Variants in TTC28 observed in about 807,000 individuals in gnomAD.
TTC28 encodes the protein tetratricopeptide repeat domain 28.
A neutral mutation model predicts 198.0 loss-of-function variants in TTC28; 61 were observed. That is an observed-to-expected ratio of 0.31 (90% confidence interval 0.25 to 0.38). The LOEUF is 0.38. Ranked by LOEUF, TTC28 falls within the 10% of genes least tolerant of loss-of-function variation. The pLI is 1.00. For synonymous variants in TTC28, 1,171 were observed against 1,297.8 expected, an observed-to-expected ratio of 0.90 and a Z score of 2.10; for missense variants, 2,678 against 3,164.0, an observed-to-expected ratio of 0.85 and a Z score of 3.69.
At chr22:28,596,486 GCAC>G (rs1382126984) in intron 2 of TTC28, among the ~76,000 whole-genome samples, 2 of 152,076 alleles carry the variant, frequency 1.3e-5, no homozygotes, top group Non-Finnish European at 2.9e-5. Context: ...CTAGTAGATG[GCAC>G]TAAAAGGAAA....
chr22:28,411,375 T>A (rs1159733509), intron 2 of TTC28, among the ~76,000 whole-genome samples: 1 of 152,174 alleles, frequency 6.6e-6, no homozygotes, highest in Non-Finnish European at 1.5e-5. Context: ...GTTTATCACA[T>A]CTAGAGATCT....
intron 5 of TTC28, among the ~76,000 whole-genome samples, chr22:28,206,341 G>A (rs1297357211): frequency 6.6e-6 from 1 of 152,052 alleles, no homozygotes; most frequent in African/African-American, 2.4e-5. Context: ...CACAAGTTAT[G>A]GTCCTACACA....
chr22:28,568,438 A>T (rs927475871), intron 2 of TTC28, among the ~76,000 whole-genome samples: 11 of 152,184 alleles, frequency 7.2e-5, no homozygotes, highest in African/African-American at 2.7e-4. Flanking sequence ...TTCACAGATG[A>T]TATGATGCTA....
intron 20 of TTC28, 96 bp from the exon 21 acceptor site, chr22:27,990,103 C>T (rs1937347724): frequency 2.1e-6 from 3 of 1,445,546 alleles, no homozygotes; most frequent in African/African-American, 1.4e-5. Context: ...CTGTCACTGG[C>T]ATCGCTAATG....
chr22:28,404,364 C>T (rs1463981694), intron 2 of TTC28, among the ~76,000 whole-genome samples: 1 of 152,144 alleles, frequency 6.6e-6, no homozygotes, highest in South Asian at 2.1e-4. Context: ...ATGATCCGCC[C>T]GCCTCGGCCT....
chr22:28,245,433 C>T (rs1930009953), intron 5 of TTC28, among the ~76,000 whole-genome samples: 1 of 152,122 alleles, frequency 6.6e-6, no homozygotes, highest in Admixed American at 6.6e-5. Flanking sequence ...GAGGTACACA[C>T]ATATTAATGA....
intron 5 of TTC28, among the ~76,000 whole-genome samples, chr22:28,173,217 C>A (rs1922849047): frequency 6.6e-6 from 1 of 152,180 alleles, no homozygotes; most frequent in Non-Finnish European, 1.5e-5. Flanking sequence ...AAGTGAATCA[C>A]AAATTAATCA....
At chr22:28,110,268 C>T (rs1041286408) in intron 6 of TTC28, among the ~76,000 whole-genome samples, 1 of 152,186 alleles carries the variant, frequency 6.6e-6, no homozygotes, top group African/African-American at 2.4e-5. Context: ...TGGGACCCAG[C>T]CATCTCTTTG....
intron 2 of TTC28, among the ~76,000 whole-genome samples, chr22:28,608,902 C>T (rs1210237007): frequency 1.3e-5 from 2 of 152,068 alleles, no homozygotes; most frequent in Non-Finnish European, 2.9e-5. Context: ...ACACAAAAGC[C>T]AATAACAACA....
intron 2 of TTC28, among the ~76,000 whole-genome samples, chr22:28,554,879 A>G (rs1158251089): frequency 6.6e-6 from 1 of 151,174 alleles, no homozygotes; most frequent in Admixed American, 6.6e-5. Context: ...TTTTAAAAGG[A>G]AAAAAAAAGA....
At chr22:28,073,991 G>A (rs370017782) in intron 12 of TTC28, among the ~76,000 whole-genome samples, 14 of 152,130 alleles carry the variant, frequency 9.2e-5, no homozygotes, top group African/African-American at 3.1e-4. Context: ...GTGAGTTGTG[G>A]GTCTGACACA....
chr22:28,620,334 A>G (rs1040586770), intron 2 of TTC28, among the ~76,000 whole-genome samples: 5 of 142,950 alleles, frequency 3.5e-5, no homozygotes, highest in Admixed American at 2.9e-4. Context: ...TGAGCAACAG[A>G]GCAAATCTCT....
intron 2 of TTC28, among the ~76,000 whole-genome samples, chr22:28,607,058 T>C (rs1253188978): frequency 2.0e-5 from 3 of 152,198 alleles, no homozygotes; most frequent in African/African-American, 7.2e-5. Context: ...AATATCCTTC[T>C]CTGTGAAGAC....
intron 2 of TTC28, among the ~76,000 whole-genome samples, chr22:28,312,774 C>G (rs150343662): frequency 1.3e-5 from 2 of 151,914 alleles, no homozygotes; most frequent in African/African-American, 4.8e-5. Context: ...GATCTAAAAT[C>G]GATACCCTAA....
At chr22:28,662,726 G>A (rs555287074) in intron 1 of TTC28, among the ~76,000 whole-genome samples, 13 of 152,158 alleles carry the variant, frequency 8.5e-5, no homozygotes, top group African/African-American at 3.1e-4. Context: ...TGGAATTTGT[G>A]GCCAATTTCT....
At chr22:28,376,563 T>C (rs1288517417) in intron 2 of TTC28, among the ~76,000 whole-genome samples, 17 of 152,034 alleles carry the variant, frequency 1.1e-4, no homozygotes, top group Non-Finnish European at 2.1e-4. Context: ...TCTTCAGACA[T>C]TGGACAAGGG....
chr22:28,192,420 C>T (rs766635481), intron 5 of TTC28, among the ~76,000 whole-genome samples: 50 of 152,106 alleles, frequency 3.3e-4, no homozygotes, highest in Non-Finnish European at 4.4e-4. Context: ...TCACCAGTAA[C>T]GGAACAAAGC....
intron 1 of TTC28, among the ~76,000 whole-genome samples, chr22:28,651,730 T>A (rs1158373017): frequency 1.3e-5 from 2 of 151,686 alleles, no homozygotes; most frequent in Non-Finnish European, 2.9e-5. Context: ...CCTCCTGACC[T>A]CTCTTAAACA....
intron 2 of TTC28, among the ~76,000 whole-genome samples, chr22:28,460,826 G>A (rs2047939793): frequency 3.9e-5 from 6 of 152,048 alleles, no homozygotes; most frequent in Admixed American, 3.9e-4. Context: ...TGGGACCACA[G>A]GTGTGCATCA....
Sources: gnomAD v4.1 joint callset for allele counts (sites outside exome capture counted in the v4.1 genomes callset) on GRCh38, gnomAD v4.1.1 for gene constraint, MANE v1.5 for transcripts, NCBI Gene and HGNC (gene_info 2026-07-23, HGNC 2026-07-21) for gene names.